FBXO11: variants seen among roughly 807,000 people sequenced by gnomAD.
The protein encoded by FBXO11 is F-box only protein 11.
Under a neutral mutation model 117.0 loss-of-function variants are expected in FBXO11, and 13 were observed. The observed-to-expected ratio is 0.11, with a 90% CI of 0.07 to 0.18. FBXO11 has a LOEUF of 0.18. Among genes scored for constraint, FBXO11 ranks in the 10% least tolerant of loss-of-function variants. The pLI is 1.00. For missense variants in FBXO11, 767 were observed against 1,164.4 expected (o/e 0.66, Z 4.97); for synonymous variants, 490 against 380.5 (o/e 1.29, Z -3.35).
At chr2:47,854,483 G>A (rs1300360612) in intron 1 of FBXO11, among the ~76,000 whole-genome samples, 4 of 150,640 alleles carry the variant, frequency 2.7e-5, no homozygotes, top group Non-Finnish European at 3.0e-5. Context: ...AATACTGGGG[G>A]GTAAAGTGAA....
intron 3 of FBXO11, 58 bp downstream of exon 3, chr2:47,839,361 T>C: frequency 6.8e-7 from 1 of 1,476,042 alleles, no homozygotes; most frequent in Non-Finnish European, 9.3e-7. Flanking sequence ...TTTTTTGGTA[T>C]CAAGCAAAAT....
At chr2:47,851,859 T>C (rs1264849783) in intron 1 of FBXO11, among the ~76,000 whole-genome samples, 3 of 152,240 alleles carry the variant, frequency 2.0e-5, no homozygotes, top group Non-Finnish European at 4.4e-5. Context: ...CTTATAAGCA[T>C]TAAATCCTTA....
chr2:47,894,221 C>A (rs1211966729), intron 1 of FBXO11, among the ~76,000 whole-genome samples: 2 of 151,692 alleles, frequency 1.3e-5, no homozygotes. Context: ...ACACCAGGAA[C>A]GGAAAGGTCC....
chr2:47,819,605 T>C (rs1008206521), intron 14 of FBXO11, among the ~76,000 whole-genome samples: 1 of 152,204 alleles, frequency 6.6e-6, no homozygotes, highest in Non-Finnish European at 1.5e-5. Flanking sequence ...AATATCACAG[T>C]AATAGTAGTA....
chr2:47,897,271 G>A (rs1301158679), intron 1 of FBXO11, among the ~76,000 whole-genome samples: 2 of 152,160 alleles, frequency 1.3e-5, no homozygotes, highest in Non-Finnish European at 2.9e-5. Context: ...AAGAATTATT[G>A]TATCTAAACC....
At chr2:47,845,889 A>G (rs895894343) in intron 1 of FBXO11, among the ~76,000 whole-genome samples, 7 of 125,494 alleles carry the variant, frequency 5.6e-5, no homozygotes, top group Admixed American at 2.3e-4. Context: ...ACTTTACAGG[A>G]AAAAAAAAAA....
chr2:47,900,503 A>G (rs1049406145), intron 1 of FBXO11, among the ~76,000 whole-genome samples: 4 of 151,292 alleles, frequency 2.6e-5, no homozygotes, highest in Non-Finnish European at 4.4e-5. Context: ...GCTGCATATT[A>G]TAAATATACA....
chr2:47,837,762 C>T (rs934232867), intron 4 of FBXO11, among the ~76,000 whole-genome samples: 3 of 151,992 alleles, frequency 2.0e-5, no homozygotes, highest in Admixed American at 2.0e-4. Context: ...ACAGGGTCTC[C>T]GTCTGCCGCC....
intron 1 of FBXO11, among the ~76,000 whole-genome samples, chr2:47,850,788 T>C: frequency 6.6e-6 from 1 of 152,198 alleles, no homozygotes; most frequent in Admixed American, 6.5e-5. Context: ...CTGTTATGTA[T>C]CACGTTCTGT....
At chr2:47,837,194 C>T (rs887662266) in intron 4 of FBXO11, among the ~76,000 whole-genome samples, 1 of 152,194 alleles carries the variant, frequency 6.6e-6, no homozygotes, top group Non-Finnish European at 1.5e-5. Context: ...TGTTCTGCTG[C>T]TCTTCATTCT....
rs767099604 is a variant in FBXO11, at chr2:47,839,549, TA to T, written c.361-50del. On this transcript the variant is annotated intron_variant, in intron 2 of 22. Coordinates refer to ENST00000403359, the MANE Select transcript of FBXO11 (RefSeq NM_001190274.2). ...GTAAAGCAAATATTCTTATCATCCATAATCATTACTTCTAAAAAAGGATGAC... is the reference window on the plus strand; with the variant it reads ...GTAAAGCAAATATTCTTATCATCCATATCATTACTTCTAAAAAAGGATGAC... The T allele has an allele frequency of 4.4e-6, 7 of 1,604,558 alleles. No individual in the cohort carries two copies. The African/African-American group carries it at 9.4e-5, about 22-fold the overall frequency.
chr2:47,853,004 G>A (rs944935703), intron 1 of FBXO11, among the ~76,000 whole-genome samples: 2 of 152,022 alleles, frequency 1.3e-5, no homozygotes, highest in African/African-American at 4.8e-5. Context: ...ATATTTATTA[G>A]GAGTATATTA....
chr2:47,836,068 A>T (rs1672536752), intron 4 of FBXO11, 67 bp from the exon 5 acceptor site: 1 of 1,189,104 alleles, frequency 8.4e-7, no homozygotes, highest in East Asian at 2.6e-5. Context: ...GTTTTGAACA[A>T]CTATAACAAT....
chr2:47,884,213 C>T (rs1676647333), intron 1 of FBXO11, among the ~76,000 whole-genome samples: 1 of 152,070 alleles, frequency 6.6e-6, no homozygotes, highest in Admixed American at 6.5e-5. Flanking sequence ...AGCAAGACTC[C>T]GTCTCAAGAA....
chr2:47,841,545 C>T (rs888564905), intron 1 of FBXO11, among the ~76,000 whole-genome samples: 9 of 152,186 alleles, frequency 5.9e-5, no homozygotes, highest in African/African-American at 2.2e-4. Flanking sequence ...GTCCAACTAT[C>T]AGTTTCTTAA....
At chr2:47,840,092 C>T (rs974171696) in intron 1 of FBXO11, among the ~76,000 whole-genome samples, 7 of 151,838 alleles carry the variant, frequency 4.6e-5, no homozygotes, top group Admixed American at 6.6e-5. Flanking sequence ...TACAGGCGCC[C>T]GCCACCACGC....
At chr2:47,886,627 T>C (rs1171751245) in intron 1 of FBXO11, among the ~76,000 whole-genome samples, 1 of 151,954 alleles carries the variant, frequency 6.6e-6, no homozygotes, top group East Asian at 1.9e-4. Context: ...AACAGATAAA[T>C]ATTTAATACA....
In FBXO11 at chr2:47,834,889, A is replaced by C; in HGVS notation, c.718-18T>G. ...CCTTTATACTAAAATGTCAAAAACA[A>C]AACAAAACCATTGACTACTAACATA... On this transcript the variant is annotated intron_variant, in intron 5 of 22. Transcript: ENST00000403359. 6.3e-7 allele frequency: 1 copy of C among 1,580,254 alleles called. No individual in the cohort carries two copies. Among genetic ancestry groups the C allele is most frequent in the East Asian group, 2.2e-5 (1 of 44,618 alleles).
intron 1 of FBXO11, among the ~76,000 whole-genome samples, chr2:47,890,981 AT>A (rs545809805): frequency 7.5e-4 from 107 of 142,554 alleles, no homozygotes; most frequent in Middle Eastern, 6.9e-3. Context: ...CCATACCGGG[AT>A]TTTTTTTTTT....
Sources: gnomAD v4.1 joint callset for allele counts (sites outside exome capture counted in the v4.1 genomes callset) on GRCh38, gnomAD v4.1.1 for gene constraint, MANE v1.5 for transcripts, NCBI Gene and HGNC (gene_info 2026-07-23, HGNC 2026-07-21) for gene names.